The following KLF12 variants were observed in gnomAD, a reference collection of about 807,000 sequenced individuals.
The protein encoded by KLF12 is KLF transcription factor 12.
A neutral mutation model predicts 37.8 loss-of-function variants in KLF12; 9 were observed. The ratio of observed to expected loss-of-function variants is 0.24; its 90% CI spans 0.14 to 0.42. The LOEUF is 0.42. Ranked by LOEUF, KLF12 falls within the 10% of genes least tolerant of loss-of-function variation. KLF12 has a pLI of 1.00. For missense variants in KLF12, 411 were observed against 516.0 expected (o/e 0.80, Z 1.97); for synonymous variants, 208 against 202.1 (o/e 1.03, Z -0.25).
intron 1 of KLF12, among the ~76,000 whole-genome samples, chr13:74,112,322 A>C (rs1157291978): frequency 6.7e-6 from 1 of 149,034 alleles, no homozygotes; most frequent in African/African-American, 2.5e-5. Flanking sequence ...CAGAATATAA[A>C]AAGTTCTTTA....
chr13:73,745,384 C>A (rs1878293407), intron 6 of KLF12, among the ~76,000 whole-genome samples: 1 of 152,132 alleles, frequency 6.6e-6, no homozygotes, highest in South Asian at 2.1e-4. Flanking sequence ...TTTTCCTCCT[C>A]CAGTGTATTA....
intron 4 of KLF12, among the ~76,000 whole-genome samples, chr13:73,829,859 C>A (rs988413640): frequency 2.6e-5 from 4 of 152,044 alleles, no homozygotes; most frequent in African/African-American, 9.7e-5. Context: ...ATATAGAACA[C>A]AATACTGAAA....
At chr13:74,280,431 G>A in the KLF12 span, among the ~76,000 whole-genome samples, 2 of 152,140 alleles carry the variant, frequency 1.3e-5, no homozygotes, top group African/African-American at 4.8e-5. Context: ...AAGTGAGCTT[G>A]CCTTATTATC....
intron 5 of KLF12, among the ~76,000 whole-genome samples, chr13:73,770,961 G>A (rs1395046339): frequency 6.6e-6 from 1 of 152,058 alleles, no homozygotes; most frequent in African/African-American, 2.4e-5. Flanking sequence ...AACAGAATGA[G>A]GAATTCTAAA....
chr13:74,238,664 CTTGGG>C, the KLF12 span, among the ~76,000 whole-genome samples: 1 of 148,286 alleles, frequency 6.7e-6, no homozygotes, highest in African/African-American at 2.6e-5. Flanking sequence ...CTGGTTTAGT[CTTGGG>C]AGAGTGTATG....
At chr13:74,104,573 C>T (rs1170403582) in intron 1 of KLF12, among the ~76,000 whole-genome samples, 1 of 152,110 alleles carries the variant, frequency 6.6e-6, no homozygotes, top group East Asian at 1.9e-4. Flanking sequence ...AATGGTACTC[C>T]CATTGCCCAA....
intron 7 of KLF12, among the ~76,000 whole-genome samples, chr13:73,699,851 G>C (rs1373354552): frequency 1.3e-5 from 2 of 152,172 alleles, no homozygotes; most frequent in Non-Finnish European, 1.5e-5. Context: ...TGGGGAAACA[G>C]TGCAAGTGAA....
At chr13:73,877,891 G>T (rs1400370800) in intron 3 of KLF12, among the ~76,000 whole-genome samples, 1 of 151,940 alleles carries the variant, frequency 6.6e-6, no homozygotes, top group Non-Finnish European at 1.5e-5. Flanking sequence ...GGTATTCCCT[G>T]TTTTCACGCC....
At chr13:74,249,176 A>T in the KLF12 span, among the ~76,000 whole-genome samples, 1 of 152,008 alleles carries the variant, frequency 6.6e-6, no homozygotes, top group Non-Finnish European at 1.5e-5. Flanking sequence ...AATTTCTAAA[A>T]TGGCAATAGT....
At chr13:74,271,449 A>G in the KLF12 span, among the ~76,000 whole-genome samples, 1 of 152,216 alleles carries the variant, frequency 6.6e-6, no homozygotes, top group South Asian at 2.1e-4. Context: ...TAAAAAAGTG[A>G]AAAATGGTAG....
intron 1 of KLF12, among the ~76,000 whole-genome samples, chr13:74,023,405 G>T (rs1182027146): frequency 6.6e-6 from 1 of 152,180 alleles, no homozygotes; most frequent in South Asian, 2.1e-4. Context: ...AGTAGCACAT[G>T]CCAGGTGGCT....
the KLF12 span, among the ~76,000 whole-genome samples, chr13:74,261,024 C>T: frequency 1.3e-5 from 2 of 152,180 alleles, no homozygotes; most frequent in East Asian, 3.8e-4. Context: ...AAAAAGACCA[C>T]ACATTGGGTA....
At chr13:73,930,896 G>A (rs951455498) in intron 3 of KLF12, among the ~76,000 whole-genome samples, 9 of 115,062 alleles carry the variant, frequency 7.8e-5, no homozygotes, top group East Asian at 2.5e-4. Flanking sequence ...ACGGAGTTTC[G>A]CTCCTTGCCC....
At chr13:73,908,476 CT>C (rs1440961370) in intron 3 of KLF12, among the ~76,000 whole-genome samples, 2 of 148,234 alleles carry the variant, frequency 1.3e-5, no homozygotes, top group African/African-American at 5.1e-5. Flanking sequence ...TTTTCATTTT[CT>C]TTTTTTCTTT....
rs925926463 is a variant in KLF12 at position 74,003,706 on chromosome 13, A to G, written c.-31-8653T>C. Among the ~76,000 whole-genome samples the G allele has an allele frequency of 3.3e-5, 5 of 152,332 alleles. No homozygotes were observed. The East Asian group carries it at 9.6e-4, about 29-fold the overall frequency. ...ATTGCACAGTATTTATTATTCAAAT[A>G]TGAATCAATGAAAATATGCTTACAG... On this transcript the variant is annotated intron_variant, in intron 1 of 7. Coordinates refer to ENST00000377669, the MANE Select transcript of KLF12 (RefSeq NM_007249.5).
the KLF12 span, among the ~76,000 whole-genome samples, chr13:74,233,830 C>A: frequency 5.3e-5 from 8 of 151,942 alleles, no homozygotes; most frequent in Admixed American, 5.3e-4. Context: ...GGTAATATTG[C>A]GGGATACAAG....
chr13:74,275,322 C>A, the KLF12 span, among the ~76,000 whole-genome samples: 1 of 152,090 alleles, frequency 6.6e-6, no homozygotes. Context: ...CTGAGAGATA[C>A]GGGGAACCAT....
intron 1 of KLF12, among the ~76,000 whole-genome samples, chr13:74,084,144 T>G (rs1190997802): frequency 1.3e-5 from 2 of 152,226 alleles, no homozygotes; most frequent in African/African-American, 4.8e-5. Context: ...ACTTGGATAT[T>G]ACGTCTCATA....
At chr13:74,241,283 A>C in the KLF12 span, among the ~76,000 whole-genome samples, 2 of 152,286 alleles carry the variant, frequency 1.3e-5, no homozygotes, top group East Asian at 3.9e-4. Flanking sequence ...GACCCACTTG[A>C]GGAGGCAGTC....
Sources: allele counts gnomAD v4.1 joint callset (sites outside exome capture counted in the v4.1 genomes callset), GRCh38; gene constraint gnomAD v4.1.1; transcripts MANE v1.5; gene names NCBI Gene and HGNC (gene_info 2026-07-23, HGNC 2026-07-21).